The following PML variants were observed in gnomAD, a reference collection of about 807,000 sequenced individuals.
PML encodes protein PML.
Under a neutral mutation model 65.2 loss-of-function variants are expected in PML, and 28 were observed. The ratio of observed to expected loss-of-function variants is 0.43; its 90% CI spans 0.32 to 0.59. PML has a LOEUF of 0.59. PML is among the 20% of genes least tolerant of loss of function. The pLI is 0.08. For missense variants in PML, 1,021 were observed against 1,203.4 expected (o/e 0.85, Z 2.24); for synonymous variants, 500 against 508.8 (o/e 0.98, Z 0.23).
Position 74,011,040 on chromosome 15 carries a change from A to G in PML, c.603-11788A>G, listed in dbSNP as rs150313879. Among the ~76,000 whole-genome samples, 638 of 152,316 alleles carry G rather than the reference A, an allele frequency of 4.2e-3. 1 individual carries two copies. The highest frequency in any genetic ancestry group is 0.011 in the Admixed American group (164 of 15,306). ...GTCAAGCTGGCCTCTGACCTGACCA[A>G]TTAGATATTCAGATTGTGTCACCAG... On this transcript the variant is annotated intron_variant, in intron 2 of 8. Transcript: ENST00000268058.
At chr15:74,005,915 A>G (rs1425045492) in intron 2 of PML, among the ~76,000 whole-genome samples, 5 of 152,114 alleles carry the variant, frequency 3.3e-5, no homozygotes, top group African/African-American at 1.2e-4. Flanking sequence ...CAATCCCTGC[A>G]GTGGAACAGG....
chr15:74,010,799 C>T (rs978293598), intron 2 of PML, among the ~76,000 whole-genome samples: 5 of 152,146 alleles, frequency 3.3e-5, no homozygotes, highest in Non-Finnish European at 7.3e-5. Context: ...CCAGAAGATA[C>T]GTTCAGATCA....
rs2071777110 is a variant in PML, at chr15:74,046,952, C to CT, written c.*1945dup. 4.4e-6 allele frequency: 1 copy of CT among 229,652 alleles called. No homozygotes were observed. The highest frequency in any genetic ancestry group is 5.7e-5 in the Admixed American group (1 of 17,660). The allele number at this position is 229,652 out of a possible 1,614,324, so 14.2% of individuals were successfully genotyped here. ...GCTGAGAGCCCTTTGTTGCTCAATG[C>CT]TGTGAGCCTTAAGCATGTGAATCCC... On this transcript the variant is annotated 3_prime_UTR_variant, in exon 9 of 9. Coordinates refer to ENST00000268058, the MANE Select transcript of PML (RefSeq NM_033238.3).
chr15:74,039,229 A>G (rs1253823361), intron 7 of PML, among the ~76,000 whole-genome samples: 3 of 152,166 alleles, frequency 2.0e-5, no homozygotes, highest in Non-Finnish European at 4.4e-5. Flanking sequence ...ATCTGAGAAA[A>G]TGAAACGGAG....
intron 8 of PML, 98 bp from the exon 9 acceptor site, chr15:74,044,123 C>T: frequency 8.4e-7 from 1 of 1,192,208 alleles, no homozygotes; most frequent in East Asian, 2.3e-5. Context: ...AAGGTGAGGT[C>T]TCTAGATGGT....
intron 8 of PML, 42 bp from the exon 9 acceptor site, chr15:74,044,179 C>G: frequency 6.2e-7 from 1 of 1,603,172 alleles, no homozygotes. Context: ...CCAGAGCTCT[C>G]TGTGACCCTG....
At chr15:74,005,286 C>T (rs990033680) in intron 2 of PML, among the ~76,000 whole-genome samples, 3 of 147,824 alleles carry the variant, frequency 2.0e-5, no homozygotes, top group Non-Finnish European at 3.0e-5. Flanking sequence ...CTCCTGACCT[C>T]GTGATCCACC....
chr15:74,022,050 C>T (rs941033023), intron 2 of PML, among the ~76,000 whole-genome samples: 1 of 152,164 alleles, frequency 6.6e-6, no homozygotes. Context: ...CTCCGCCTCC[C>T]GGGTTCAAGC....
intron 4 of PML, among the ~76,000 whole-genome samples, chr15:74,029,309 C>T (rs1415043025): frequency 6.6e-6 from 1 of 152,060 alleles, no homozygotes; most frequent in Non-Finnish European, 1.5e-5. Context: ...CATATGCACA[C>T]ACATACTGTA....
At chr15:74,034,865 C>G (rs186758195) in intron 7 of PML, 1 of 1,437,744 alleles carries the variant, frequency 7.0e-7, no homozygotes, top group Admixed American at 2.8e-5. Context: ...GAGGGCTGGA[C>G]AAGAATCCAT....
chr15:73,998,073 C>T lies in PML; in HGVS notation c.199C>T (p.Pro67Ser), dbSNP rs755088983. The T allele has an allele frequency of 4.3e-6, 7 of 1,613,546 alleles. No homozygotes were observed. The change falls in exon 2 of 9, where the codon CCG becomes TCG. Residue 67 changes from proline (P) to serine (S), a missense_variant. By Grantham distance (74) the Pro-to-Ser change is moderately conservative. Coordinates refer to ENST00000268058, the MANE Select transcript of PML (RefSeq NM_033238.3). ...CQQCQAEAKC[P>S]KLLPCLHTLC... ...GCAATGCCAGGCGGAAGCCAAGTGC[C>T]CGAAGCTGCTGCCTTGTCTGCACAC...
At chr15:74,021,347 G>A (rs979754273) in intron 2 of PML, among the ~76,000 whole-genome samples, 4 of 152,200 alleles carry the variant, frequency 2.6e-5, no homozygotes, top group Non-Finnish European at 4.4e-5. Context: ...AGCACTTTGG[G>A]AGGCTGGGGC....
intron 2 of PML, among the ~76,000 whole-genome samples, chr15:74,004,644 A>G (rs1329046336): frequency 4.6e-5 from 7 of 151,606 alleles, no homozygotes; most frequent in African/African-American, 9.7e-5. Context: ...ATAATCTTCT[A>G]TCGCCATTGT....
rs1483267364 is a variant in PML at position 74,046,975 on chromosome 15, C to A, written c.*1967C>A. 2.2e-5 allele frequency: 5 copies of A among 229,314 alleles called. No individual in the cohort carries two copies. The highest frequency in any genetic ancestry group is 2.5e-3 in the Middle Eastern group (2 of 792). 14.2% of individuals were successfully genotyped at this position (229,314 alleles called of 1,614,324 possible). On this transcript the variant is annotated 3_prime_UTR_variant, in exon 9 of 9. Coordinates refer to ENST00000268058, the MANE Select transcript of PML (RefSeq NM_033238.3). ...TGCTGTGAGCCTTAAGCATGTGAAT[C>A]CCCCCACATGACAAGTGGGGAGACC...
intron 2 of PML, among the ~76,000 whole-genome samples, chr15:74,013,487 T>C (rs2070422599): frequency 6.6e-6 from 1 of 152,218 alleles, no homozygotes; most frequent in African/African-American, 2.4e-5. Flanking sequence ...TGTCACCAGA[T>C]TCTATTAACA....
intron 2 of PML, among the ~76,000 whole-genome samples, chr15:73,999,654 A>G (rs1386332986): frequency 6.6e-6 from 1 of 152,168 alleles, no homozygotes; most frequent in Non-Finnish European, 1.5e-5. Context: ...TTAAGGGACT[A>G]ATTAAAGAAT....
intron 2 of PML, among the ~76,000 whole-genome samples, chr15:74,017,913 T>C (rs1038812231): frequency 6.6e-6 from 1 of 152,176 alleles, no homozygotes; most frequent in African/African-American, 2.4e-5. Flanking sequence ...GGTGGAAGGA[T>C]GACTTGAGCC....
chr15:74,040,329 C>T (rs776677258), intron 7 of PML, among the ~76,000 whole-genome samples: 13 of 152,324 alleles, frequency 8.5e-5, no homozygotes, highest in Admixed American at 7.2e-4. Context: ...GGTCCTCACA[C>T]GCAGGCTCAA....
chr15:74,040,588 A>G (rs2071673593), intron 7 of PML, among the ~76,000 whole-genome samples: 1 of 152,180 alleles, frequency 6.6e-6, no homozygotes, highest in South Asian at 2.1e-4. Flanking sequence ...AGTCTTTCAG[A>G]AAGTCTTGTT....
Sources: allele counts gnomAD v4.1 joint callset (sites outside exome capture counted in the v4.1 genomes callset), GRCh38; gene constraint gnomAD v4.1.1; transcripts MANE v1.5; gene names NCBI Gene and HGNC (gene_info 2026-07-23, HGNC 2026-07-21).